FER: variants seen among roughly 807,000 people sequenced by gnomAD.
FER encodes the protein tyrosine-protein kinase Fer.
FER carries 63 observed loss-of-function variants against 111.0 expected under a neutral mutation model. That is an observed-to-expected ratio of 0.57 (90% CI 0.46 to 0.70). FER has a LOEUF of 0.70. Ranked by LOEUF, FER falls within the 30% of genes least tolerant of loss-of-function variation. The pLI is 0.00. For missense variants in FER, 914 were observed against 954.0 expected (o/e 0.96, Z 0.55); for synonymous variants, 327 against 313.9 (o/e 1.04, Z -0.44).
At chr5:108,787,603 A>G (rs1023788507) in intron 2 of FER, among the ~76,000 whole-genome samples, 1 of 152,166 alleles carries the variant, frequency 6.6e-6, no homozygotes, top group Admixed American at 6.5e-5. Context: ...CCCATGGATG[A>G]ATCAGTATGC....
At chr5:108,826,246 G>A (rs775709056) in intron 3 of FER, among the ~76,000 whole-genome samples, 1 of 152,136 alleles carries the variant, frequency 6.6e-6, no homozygotes, top group Non-Finnish European at 1.5e-5. Context: ...ATTGATTCGT[G>A]TATGTTGAAC....
intron 13 of FER, among the ~76,000 whole-genome samples, chr5:109,009,692 T>A (rs374907664): frequency 3.3e-5 from 5 of 152,238 alleles, no homozygotes; most frequent in Non-Finnish European, 7.3e-5. Context: ...AAATATAGTG[T>A]CTTAAAAAAT....
intron 5 of FER, among the ~76,000 whole-genome samples, chr5:108,854,537 C>G (rs549863929): frequency 6.6e-6 from 1 of 152,316 alleles, no homozygotes; most frequent in African/African-American, 2.4e-5. Context: ...TGTAACTGAC[C>G]TGGAATGCAA....
intron 18 of FER, among the ~76,000 whole-genome samples, chr5:109,185,950 A>G (rs901741918): frequency 2.0e-5 from 3 of 152,178 alleles, no homozygotes; most frequent in African/African-American, 2.4e-5. Flanking sequence ...TTTTAACACA[A>G]TGGTAAGTTT....
At chr5:109,144,770 T>G (rs1753896472) in intron 17 of FER, among the ~76,000 whole-genome samples, 1 of 151,958 alleles carries the variant, frequency 6.6e-6, no homozygotes, top group Non-Finnish European at 1.5e-5. Context: ...ATTTAAGAGG[T>G]TTTTGGATCT....
At chr5:109,143,849 G>T (rs1753780879) in intron 17 of FER, among the ~76,000 whole-genome samples, 1 of 149,984 alleles carries the variant, frequency 6.7e-6, no homozygotes, top group African/African-American at 2.4e-5. Context: ...GAATTTTGCA[G>T]CAAAATATAT....
chr5:108,990,914 T>G (rs1257388113), intron 13 of FER, among the ~76,000 whole-genome samples: 1 of 151,858 alleles, frequency 6.6e-6, no homozygotes, highest in Non-Finnish European at 1.5e-5. Flanking sequence ...AGTACTCTAC[T>G]TTTAATATTA....
rs1759330482 is a variant in FER, at chr5:109,190,910, G to C, written c.*3335G>C. ...ATTTCACAGTTGTTTTTCATTTTAG[G>C]ATTATTTTGAGAAGAAAAAATGTTT... On this transcript the variant is annotated 3_prime_UTR_variant, in exon 20 of 20. Transcript: ENST00000281092. 1 of 152,052 alleles carries C rather than the reference G, an allele frequency of 6.6e-6. No homozygotes were observed. Among genetic ancestry groups the C allele is most frequent in the Non-Finnish European group, 1.5e-5 (1 of 67,984 alleles). The allele number at this position is 152,052 out of a possible 1,614,324, so 9.4% of individuals were successfully genotyped here. A position where few individuals can be genotyped will look rare whatever the true frequency, so the allele number is the denominator to read the frequency against.
chr5:108,779,644 C>A (rs912932063), intron 2 of FER, among the ~76,000 whole-genome samples: 1 of 152,184 alleles, frequency 6.6e-6, no homozygotes. Context: ...AGCCTTGAAG[C>A]CTGCCATTGC....
At chr5:109,043,768 C>G (rs1253461779) in intron 14 of FER, among the ~76,000 whole-genome samples, 1 of 152,078 alleles carries the variant, frequency 6.6e-6, no homozygotes, top group South Asian at 2.1e-4. Flanking sequence ...GTCAAGAGAT[C>G]GAGACCATCC....
At chr5:108,755,162 A>T (rs1448728827) in intron 1 of FER, among the ~76,000 whole-genome samples, 2 of 152,222 alleles carry the variant, frequency 1.3e-5, no homozygotes, top group African/African-American at 4.8e-5. Flanking sequence ...TTTGCATTAC[A>T]TTATTTGTAT....
intron 13 of FER, among the ~76,000 whole-genome samples, chr5:109,010,184 G>C (rs1766057614): frequency 1.3e-5 from 2 of 148,620 alleles, no homozygotes; most frequent in African/African-American, 5.0e-5. Flanking sequence ...TCTTTTTTTT[G>C]AGACAGCCTG....
intron 13 of FER, among the ~76,000 whole-genome samples, chr5:108,963,239 A>T (rs556710440): frequency 3.8e-4 from 58 of 152,250 alleles, no homozygotes; most frequent in Non-Finnish European, 6.0e-4. Context: ...CGCTTTCTGA[A>T]TCGAAGGTAA....
At chr5:109,063,347 A>G (rs1253720045) in intron 16 of FER, among the ~76,000 whole-genome samples, 1 of 152,208 alleles carries the variant, frequency 6.6e-6, no homozygotes, top group Non-Finnish European at 1.5e-5. Context: ...CTGGAAGGTT[A>G]CTATGGTAGT....
chr5:109,086,311 G>T (rs1008241391), intron 16 of FER, among the ~76,000 whole-genome samples: 1 of 151,540 alleles, frequency 6.6e-6, no homozygotes, highest in East Asian at 1.9e-4. Context: ...TATGCCATAA[G>T]GTTATTTATC....
intron 16 of FER, among the ~76,000 whole-genome samples, chr5:109,090,950 T>C (rs1778099895): frequency 6.6e-6 from 1 of 152,190 alleles, no homozygotes; most frequent in African/African-American, 2.4e-5. Context: ...TTCTCTTGAA[T>C]GCTTCTAGGA....
At chr5:108,797,929 T>C (rs1303885626) in intron 2 of FER, among the ~76,000 whole-genome samples, 195 bp from the exon 3 acceptor site, 1 of 152,236 alleles carries the variant, frequency 6.6e-6, no homozygotes, top group East Asian at 1.9e-4. Context: ...TTCACTGTAA[T>C]GGCTAAGACC....
At chr5:109,023,885 T>C (rs188125596) in intron 13 of FER, among the ~76,000 whole-genome samples, 75 of 152,192 alleles carry the variant, frequency 4.9e-4, no homozygotes, top group Non-Finnish European at 8.8e-4. Context: ...TGGACTCCCC[T>C]TTCCCCCAAA....
intron 13 of FER, among the ~76,000 whole-genome samples, chr5:109,023,884 CT>C (rs1768288172): frequency 2.0e-5 from 3 of 152,046 alleles, no homozygotes; most frequent in African/African-American, 4.8e-5. Context: ...ATGGACTCCC[CT>C]TTCCCCCAAA....
Sources: gnomAD v4.1 joint callset for allele counts (sites outside exome capture counted in the v4.1 genomes callset) on GRCh38, gnomAD v4.1.1 for gene constraint, MANE v1.5 for transcripts, NCBI Gene and HGNC (gene_info 2026-07-23, HGNC 2026-07-21) for gene names.